The following CHCHD6 variants were observed in gnomAD, a reference collection of about 807,000 sequenced individuals.
The protein encoded by CHCHD6 is coiled-coil-helix-coiled-coil-helix domain containing 6.
A neutral mutation model predicts 32.3 loss-of-function variants in CHCHD6; 28 were observed. That is an observed-to-expected ratio of 0.87 (90% CI 0.64 to 1.19). The LOEUF is 1.19. CHCHD6 is among the 50% of genes most tolerant of loss of function. The pLI, the probability that CHCHD6 is intolerant of heterozygous loss-of-function variation, is 0.00. For missense variants in CHCHD6, 333 were observed against 307.0 expected (o/e 1.08, Z -0.63); for synonymous variants, 122 against 117.5 (o/e 1.04, Z -0.25).
intron 1 of CHCHD6, among the ~76,000 whole-genome samples, chr3:126,715,531 T>G (rs368780021): frequency 1.2e-4 from 19 of 152,278 alleles, no homozygotes; most frequent in African/African-American, 4.6e-4. Flanking sequence ...GCCCCTAGGC[T>G]CTTGTATGCC....
chr3:126,898,300 T>G (rs1391867800), intron 5 of CHCHD6, among the ~76,000 whole-genome samples: 2 of 152,226 alleles, frequency 1.3e-5, no homozygotes, highest in Non-Finnish European at 2.9e-5. Flanking sequence ...GGGCTTCCCT[T>G]TATTCCCCAG....
chr3:126,760,928 T>C (rs551009593), intron 4 of CHCHD6, among the ~76,000 whole-genome samples: 1 of 152,208 alleles, frequency 6.6e-6, no homozygotes, highest in East Asian at 1.9e-4. Context: ...CAAACTCCTG[T>C]GCTCAAGTGA....
At chr3:126,795,905 C>T (rs1938769292) in intron 4 of CHCHD6, among the ~76,000 whole-genome samples, 1 of 152,088 alleles carries the variant, frequency 6.6e-6, no homozygotes, top group Admixed American at 6.5e-5. Flanking sequence ...TTGCTTTGGG[C>T]AAGGAGAATG....
intron 1 of CHCHD6, among the ~76,000 whole-genome samples, chr3:126,705,947 A>G (rs958240648): frequency 6.6e-6 from 1 of 152,188 alleles, no homozygotes; most frequent in African/African-American, 2.4e-5. Flanking sequence ...AGCCTAGCAG[A>G]GTACTTGGCA....
intron 4 of CHCHD6, among the ~76,000 whole-genome samples, chr3:126,818,342 G>A (rs911487746): frequency 6.6e-6 from 1 of 152,076 alleles, no homozygotes; most frequent in Non-Finnish European, 1.5e-5. Flanking sequence ...CTGGGGTTCT[G>A]TGCTCTGTAA....
chr3:126,749,713 G>A (rs1056270078), intron 4 of CHCHD6, among the ~76,000 whole-genome samples: 1 of 152,214 alleles, frequency 6.6e-6, no homozygotes, highest in Non-Finnish European at 1.5e-5. Flanking sequence ...GTGCGAAGGG[G>A]ACACGGGCCA....
At chr3:126,900,945 C>T (rs565412905) in intron 5 of CHCHD6, among the ~76,000 whole-genome samples, 41 of 152,260 alleles carry the variant, frequency 2.7e-4, no homozygotes, top group African/African-American at 7.9e-4. Context: ...TGCCTGACCT[C>T]ACTCATCACC....
At chr3:126,931,815 T>C (rs2078410817) in intron 6 of CHCHD6, among the ~76,000 whole-genome samples, 1 of 152,214 alleles carries the variant, frequency 6.6e-6, no homozygotes, top group Admixed American at 6.5e-5. Flanking sequence ...TGGTGTATTC[T>C]GCACTTGAAA....
intron 7 of CHCHD6, among the ~76,000 whole-genome samples, chr3:126,959,507 G>C (rs1462166101): frequency 2.6e-5 from 4 of 152,254 alleles, no homozygotes; most frequent in African/African-American, 4.8e-5. Context: ...CCAGAGAGCG[G>C]GGAGTGAAGG....
chr3:126,765,371 C>A (rs1419066787), intron 4 of CHCHD6, among the ~76,000 whole-genome samples: 6 of 152,184 alleles, frequency 3.9e-5, no homozygotes, highest in Non-Finnish European at 2.9e-5. Flanking sequence ...CTCAGCACAG[C>A]GAGCTCGGGC....
At chr3:126,937,466 G>A (rs1283219801) in intron 6 of CHCHD6, among the ~76,000 whole-genome samples, 2 of 152,220 alleles carry the variant, frequency 1.3e-5, no homozygotes, top group Admixed American at 1.3e-4. Context: ...GAAGGCTAGG[G>A]GAAGATAATG....
chr3:126,864,298 C>T lies in CHCHD6; in HGVS notation c.495+11568C>T, dbSNP rs1468172286. Reference sequence around the variant, plus strand: ...ACCACCTCCTCCTCCATCACCACCACCTCATCCTTCTCTGCCACTTCCACC... The same window carrying T: ...ACCACCTCCTCCTCCATCACCACCATCTCATCCTTCTCTGCCACTTCCACC... On this transcript the variant is annotated intron_variant, in intron 5 of 7. Coordinates refer to ENST00000290913, the MANE Select transcript of CHCHD6 (RefSeq NM_032343.3). Among the ~76,000 whole-genome samples the T allele has an allele frequency of 2.7e-5, 4 of 150,470 alleles. 1 individual carries two copies. The highest frequency in any genetic ancestry group is 3.3e-3 in the Middle Eastern group (1 of 306).
intron 4 of CHCHD6, among the ~76,000 whole-genome samples, chr3:126,773,781 A>G (rs1409617833): frequency 6.6e-6 from 1 of 151,164 alleles, no homozygotes; most frequent in Non-Finnish European, 1.5e-5. Context: ...AATTTTTTGT[A>G]TTTTAGTAGA....
At chr3:126,932,090 A>T (rs2078414474) in intron 6 of CHCHD6, among the ~76,000 whole-genome samples, 1 of 152,198 alleles carries the variant, frequency 6.6e-6, no homozygotes, top group South Asian at 2.1e-4. Context: ...ATCTAAGAGC[A>T]CGGAGGCTCC....
chr3:126,731,653 T>C (rs1030990075), intron 3 of CHCHD6, among the ~76,000 whole-genome samples: 10 of 152,130 alleles, frequency 6.6e-5, no homozygotes, highest in Non-Finnish European at 1.2e-4. Flanking sequence ...TGGGTCAGCT[T>C]AGGGGGCCCA....
chr3:126,856,181 T>A (rs555072987), intron 5 of CHCHD6, among the ~76,000 whole-genome samples: 1 of 151,890 alleles, frequency 6.6e-6, no homozygotes, highest in Non-Finnish European at 1.5e-5. Context: ...TTTAAGAAAG[T>A]TTATGACTGT....
chr3:126,910,609 A>G (rs2078075725), intron 5 of CHCHD6, among the ~76,000 whole-genome samples: 4 of 152,230 alleles, frequency 2.6e-5, no homozygotes, highest in Admixed American at 2.6e-4. Context: ...AGTGTTCCCT[A>G]CAGATACACA....
At chr3:126,784,132 G>A (rs982561886) in intron 4 of CHCHD6, among the ~76,000 whole-genome samples, 3 of 152,036 alleles carry the variant, frequency 2.0e-5, no homozygotes, top group Non-Finnish European at 4.4e-5. Flanking sequence ...CCACAAATAG[G>A]ATGGGCAGGA....
chr3:126,920,861 TACTC>T (rs2078236402), intron 6 of CHCHD6, among the ~76,000 whole-genome samples: 2 of 152,330 alleles, frequency 1.3e-5, no homozygotes, highest in East Asian at 1.9e-4. Flanking sequence ...TAATAACAAA[TACTC>T]ACCTCTCCAC....
Sources: allele counts gnomAD v4.1 joint callset (sites outside exome capture counted in the v4.1 genomes callset), GRCh38; gene constraint gnomAD v4.1.1; transcripts MANE v1.5; gene names NCBI Gene and HGNC (gene_info 2026-07-23, HGNC 2026-07-21).